Variants in PTPN3 observed in about 807,000 individuals in gnomAD.
PTPN3 encodes the protein tyrosine-protein phosphatase non-receptor type 3.
PTPN3 carries 96 observed loss-of-function variants against 132.7 expected under a neutral mutation model. The ratio of observed to expected loss-of-function variants is 0.72; its 90% CI spans 0.61 to 0.86. The LOEUF (loss-of-function observed/expected upper bound fraction) is 0.86. Ranked by LOEUF, PTPN3 falls within the 40% of genes least tolerant of loss-of-function variation. The probability of loss-of-function intolerance (pLI) is 0.00; values close to 1 mark genes in which losing one functional copy is unlikely to be tolerated. For synonymous variants in PTPN3, 398 were observed against 429.0 expected, an observed-to-expected ratio of 0.93 and a Z score of 0.89; for missense variants, 1,125 against 1,159.6, an observed-to-expected ratio of 0.97 and a Z score of 0.43.
At chr9:109,388,729 G>A (rs1588297523) in intron 22 of PTPN3, among the ~76,000 whole-genome samples, 1 of 152,330 alleles carries the variant, frequency 6.6e-6, no homozygotes, top group Non-Finnish European at 1.5e-5. Context: ...ATTGCTGGGC[G>A]GTGGGGGCTC....
upstream of PTPN3, among the ~76,000 whole-genome samples, chr9:109,500,257 A>G (rs577263781): frequency 2.6e-5 from 4 of 152,344 alleles, no homozygotes; most frequent in East Asian, 1.9e-4. Context: ...AGATGAGGAA[A>G]CCGAGGTCAA....
chr9:109,381,758 A>T lies in PTPN3; in HGVS notation c.2558T>A (p.Val853Asp). The change falls in exon 25 of 26, where the codon GTC (valine) becomes GAC (aspartate). Residue 853 changes from valine (V) to aspartate (D), a missense_variant. Physicochemically the swap from Val to Asp is radical, Grantham distance 152. Transcript: ENST00000374541. ...SAGIGRTGVLVTMETAMCLTE... is the reference protein window; with the variant it reads ...SAGIGRTGVLDTMETAMCLTE... ...TAGGCACATGGCTGTTTCCATAGTG[A>T]CCAACACACCGGTTCGACCTATTCC... 1 of 1,614,248 alleles carries T rather than the reference A, an allele frequency of 6.2e-7. No individual in the cohort carries two copies. The highest frequency in any genetic ancestry group is 8.5e-7 in the Non-Finnish European group (1 of 1,180,042).
At chr9:109,417,940 G>T (rs1292725167) in intron 14 of PTPN3, among the ~76,000 whole-genome samples, 2 of 152,196 alleles carry the variant, frequency 1.3e-5, no homozygotes, top group Non-Finnish European at 2.9e-5. Context: ...GGAACAAGCA[G>T]GGCCAGAAAT....
At chr9:109,534,245 T>C in the PTPN3 span, 2 of 1,487,058 alleles carry the variant, frequency 1.3e-6, no homozygotes, top group East Asian at 4.6e-5. Flanking sequence ...CTGCCCGTAG[T>C]GCCGGGCGTG....
intron 1 of PTPN3, among the ~76,000 whole-genome samples, chr9:109,490,970 G>C (rs1847435528): frequency 6.6e-6 from 1 of 151,636 alleles, no homozygotes; most frequent in Admixed American, 6.6e-5. Flanking sequence ...GGCTGAGACA[G>C]GCAGATCACT....
chr9:109,535,292 G>A, the PTPN3 span, among the ~76,000 whole-genome samples: 2 of 152,088 alleles, frequency 1.3e-5, no homozygotes, highest in Admixed American at 1.3e-4. Flanking sequence ...TCCACATATC[G>A]TTTCCATGGG....
intron 1 of PTPN3, among the ~76,000 whole-genome samples, chr9:109,494,557 T>G (rs1847600061): frequency 6.6e-6 from 1 of 152,184 alleles, no homozygotes; most frequent in Admixed American, 6.5e-5. Flanking sequence ...TGTTCCTAAG[T>G]TTGAGGCTTA....
At chr9:109,486,449 A>C (rs2132112986) in intron 1 of PTPN3, among the ~76,000 whole-genome samples, 1 of 152,226 alleles carries the variant, frequency 6.6e-6, no homozygotes, top group African/African-American at 2.4e-5. Flanking sequence ...GTGGAGTGGA[A>C]AAGGGGAGTG....
chr9:109,428,347 C>T (rs1013495780), intron 11 of PTPN3, among the ~76,000 whole-genome samples: 1 of 152,228 alleles, frequency 6.6e-6, no homozygotes, highest in Non-Finnish European at 1.5e-5. Context: ...CAGACAATCA[C>T]TGGATCCTCC....
chr9:109,404,594 C>T lies in PTPN3; in HGVS notation c.1807G>A (p.Ala603Thr). The T allele has an allele frequency of 6.5e-7, 1 of 1,540,660 alleles. No individual in the cohort carries two copies. Among genetic ancestry groups the T allele is most frequent in the Non-Finnish European group, 8.8e-7 (1 of 1,131,724 alleles). ...AGTTCATCTTCAGACTTGAAGTCAG[C>T]AAATGAGCGGACAGCTGTAACGTAC... ...VIRRRAVRSF[A>T]DFKSEDELNQ... The change falls in exon 19 of 26, where the codon GCT (alanine) becomes ACT (threonine). Residue 603 changes from alanine to threonine, a missense_variant. Ala to Thr is a moderately conservative substitution (Grantham distance 58). Coordinates refer to ENST00000374541, the MANE Select transcript of PTPN3 (RefSeq NM_002829.4).
At position 109,470,980 on chromosome 9, in the gene PTPN3, T is replaced by C. The variant is rs367594237; in HGVS notation, c.-17-7529A>G. 3.2e-4 allele frequency among the ~76,000 whole-genome samples: 48 copies of C among 151,816 alleles called. No individual in the cohort carries two copies. The East Asian group carries it at 4.0e-3, about 13-fold the overall frequency. ...AACAAAAAATAATTTTCTGGACTTA[T>C]AGAAAAGTTGCAAGAAAAACAAACT... On this transcript the variant is annotated intron_variant, in intron 1 of 25. Coordinates refer to ENST00000374541, the MANE Select transcript of PTPN3 (RefSeq NM_002829.4).
chr9:109,485,976 GTTAACTTTAC>G (rs1309607235), intron 1 of PTPN3, among the ~76,000 whole-genome samples: 4 of 152,194 alleles, frequency 2.6e-5, no homozygotes, highest in African/African-American at 9.7e-5. Flanking sequence ...AACATTTAAG[GTTAACTTTAC>G]ATACAACAGA....
the PTPN3 span, among the ~76,000 whole-genome samples, chr9:109,528,622 G>GA: frequency 6.6e-6 from 1 of 152,198 alleles, no homozygotes. Flanking sequence ...TCTTTATCTT[G>GA]ATCAGGATGG....
At chr9:109,489,825 G>C (rs764200946) in intron 1 of PTPN3, among the ~76,000 whole-genome samples, 113 of 151,744 alleles carry the variant, frequency 7.4e-4, no homozygotes, top group Admixed American at 2.1e-3. Flanking sequence ...TCTCTTTTTT[G>C]GGGAAAGCTT....
chr9:109,394,316 G>C (rs1186267717), intron 19 of PTPN3, among the ~76,000 whole-genome samples: 1 of 152,092 alleles, frequency 6.6e-6, no homozygotes, highest in Non-Finnish European at 1.5e-5. Flanking sequence ...GAAAAGCACA[G>C]CTACAGAAAA....
At chr9:109,530,717 T>G in the PTPN3 span, among the ~76,000 whole-genome samples, 1 of 152,224 alleles carries the variant, frequency 6.6e-6, no homozygotes, top group African/African-American at 2.4e-5. Flanking sequence ...ATCCTTTTCC[T>G]AACATATGTC....
chr9:109,443,858 T>C (rs1588437047), intron 7 of PTPN3, among the ~76,000 whole-genome samples: 1 of 152,200 alleles, frequency 6.6e-6, no homozygotes, highest in Admixed American at 6.5e-5. Context: ...ACTCTGGTAC[T>C]CGTCTTACTC....
chr9:109,415,036 G>A (rs201844626), intron 14 of PTPN3, among the ~76,000 whole-genome samples: 3 of 145,686 alleles, frequency 2.1e-5, no homozygotes, highest in Non-Finnish European at 3.0e-5. Context: ...CCGTCTGTCC[G>A]TCCGTCCGTC....
chr9:109,476,370 TAAAA>T (rs111446708), intron 1 of PTPN3, among the ~76,000 whole-genome samples: 1 of 143,434 alleles, frequency 7.0e-6, no homozygotes, highest in Non-Finnish European at 1.5e-5. Flanking sequence ...TTGTAAACCT[TAAAA>T]AAAAAAACAG....
Sources: allele counts gnomAD v4.1 joint callset (sites outside exome capture counted in the v4.1 genomes callset), GRCh38; gene constraint gnomAD v4.1.1; transcripts MANE v1.5; gene names NCBI Gene and HGNC (gene_info 2026-07-23, HGNC 2026-07-21).